The following TRIM58 variants were observed in gnomAD, a reference collection of about 807,000 sequenced individuals.
TRIM58 encodes the protein tripartite motif containing 58, also known as E3 ubiquitin-protein ligase TRIM58.
TRIM58 carries 38 observed loss-of-function variants against 34.1 expected under a neutral mutation model. The ratio of observed to expected loss-of-function variants is 1.12; its 90% CI spans 0.86 to 1.46. TRIM58 has a LOEUF of 1.46. TRIM58 is among the 40% of genes most tolerant of loss of function. The pLI, the probability that TRIM58 is intolerant of heterozygous loss-of-function variation, is 0.00. For missense variants in TRIM58, 677 were observed against 642.0 expected, an observed-to-expected ratio of 1.05 and a Z score of -0.59; for synonymous variants, 273 against 275.7, an observed-to-expected ratio of 0.99 and a Z score of 0.10.
In TRIM58 at chr1:247,879,599, A is replaced by G. The variant is rs1659364255; in HGVS notation, c.*3110A>G. The stretch of plus-strand genomic sequence containing the variant: ...GAGGATGTGAACCCCCAGGCCCTAG[A>G]GGATCTGAACCCCCATCCCTCCTCT... On this transcript the variant is annotated 3_prime_UTR_variant, in exon 6 of 6. Coordinates refer to ENST00000366481, the MANE Select transcript of TRIM58 (RefSeq NM_015431.4). Among the ~76,000 whole-genome samples the G allele has an allele frequency of 1.3e-5, 2 of 151,632 alleles. No individual in the cohort carries two copies. The highest frequency in any genetic ancestry group is 2.9e-5 in the Non-Finnish European group (2 of 67,942).
chr1:247,864,615 G>A (rs913211095), intron 2 of TRIM58, 90 bp from the exon 3 acceptor site: 40 of 1,370,456 alleles, frequency 2.9e-5, no homozygotes, highest in Non-Finnish European at 3.8e-5. Flanking sequence ...CGGAGCCCGG[G>A]GAAGTCTGGA....
chr1:247,860,335 C>T (rs1313554647), intron 1 of TRIM58, among the ~76,000 whole-genome samples: 3 of 151,992 alleles, frequency 2.0e-5, no homozygotes, highest in African/African-American at 7.3e-5. Context: ...ATGATGTGTG[C>T]CTGGAGTCCT....
chr1:247,874,509 A>G (rs186759359), intron 5 of TRIM58, among the ~76,000 whole-genome samples: 2 of 152,264 alleles, frequency 1.3e-5, no homozygotes, highest in Non-Finnish European at 1.5e-5. Flanking sequence ...TCCAAACCAT[A>G]TTATTTATTA....
intron 3 of TRIM58, 119 bp downstream of exon 3, chr1:247,865,054 A>G (rs185945158): frequency 3.2e-6 from 3 of 932,320 alleles, no homozygotes; most frequent in Non-Finnish European, 4.7e-6. Context: ...GGCACCCTCA[A>G]ATTTACTCAG....
At chr1:247,862,452 AAAGAAC>A (rs1663815682) in intron 2 of TRIM58, among the ~76,000 whole-genome samples, 2 of 152,198 alleles carry the variant, frequency 1.3e-5, no homozygotes, top group African/African-American at 4.8e-5. Flanking sequence ...ATGGAGATAA[AAAGAAC>A]AAGAACAAAG....
At position 247,878,903 on chromosome 1, in the gene TRIM58, T is replaced by C. The variant is rs1015610034; in HGVS notation, c.*2414T>C. ...TCTTGCATTCTTAGGTTCATAGTTT[T>C]GTGTGTCTCCTGTAATGACTCTTCT... On this transcript the variant is annotated 3_prime_UTR_variant, in exon 6 of 6. Transcript: ENST00000366481. Among the ~76,000 whole-genome samples the C allele has an allele frequency of 9.9e-5, 15 of 152,214 alleles. No individual in the cohort carries two copies. Among genetic ancestry groups the C allele is most frequent in the Non-Finnish European group, 1.8e-4 (12 of 68,042 alleles).
chr1:247,865,804 T>C (rs1041907273), intron 3 of TRIM58, among the ~76,000 whole-genome samples: 1 of 152,154 alleles, frequency 6.6e-6, no homozygotes, highest in African/African-American at 2.4e-5. Context: ...CCGACTCCTA[T>C]CTCCTCCCCA....
chr1:247,872,958 G>A (rs557024780), intron 5 of TRIM58, among the ~76,000 whole-genome samples: 22 of 152,294 alleles, frequency 1.4e-4, no homozygotes, highest in Middle Eastern at 3.4e-3. Flanking sequence ...GGCCGGGCGC[G>A]GTGGCTCACG....
chr1:247,874,244 A>T (rs773639325), intron 5 of TRIM58, among the ~76,000 whole-genome samples: 2 of 152,194 alleles, frequency 1.3e-5, no homozygotes, highest in African/African-American at 2.4e-5. Flanking sequence ...GCCTCAGGAC[A>T]CCTACAGTCA....
Position 247,857,353 on chromosome 1 carries a change from G to C in TRIM58, c.107G>C (p.Cys36Ser). 1.3e-6 allele frequency: 2 copies of C among 1,519,188 alleles called. No individual in the cohort carries two copies. Among genetic ancestry groups the C allele is most frequent in the Non-Finnish European group, 1.8e-6 (2 of 1,131,822 alleles). The allele number at this position is 1,519,188 out of a possible 1,614,324, so 94.1% of individuals were successfully genotyped here. Residue 36 changes from cysteine (C) to serine (S), a missense_variant, in exon 1 of 6, where the codon TGC (cysteine) becomes TCC (serine). Cys to Ser is a moderately radical substitution (Grantham distance 112). Transcript: ENST00000366481. ...AGCGTGGACTGCGGCCACAGCTTCT[G>C]CCTCAGGTGCATCTCCGAGTTCTGC... ...PVSVDCGHSF[C>S]LRCISEFCEK...
rs759552782 is a variant in TRIM58, at chr1:247,864,944, G to A, written c.747+9G>A. On this transcript the variant is annotated intron_variant, in intron 3 of 5. Transcript: ENST00000366481. Reference sequence around the variant, plus strand: ...CCCTGGGTCTGCTGGAGGTGAGGCCGGGTGCCAGAAAAGCAGGCAGATGTG... The same window carrying A: ...CCCTGGGTCTGCTGGAGGTGAGGCCAGGTGCCAGAAAAGCAGGCAGATGTG... 9.7e-6 allele frequency: 15 copies of A among 1,553,996 alleles called. No individual in the cohort carries two copies. The South Asian group carries it at 1.2e-4, about 12-fold the overall frequency.
chr1:247,872,875 A>C (rs1659176376), intron 5 of TRIM58, among the ~76,000 whole-genome samples: 1 of 152,144 alleles, frequency 6.6e-6, no homozygotes, highest in African/African-American at 2.4e-5. Flanking sequence ...TACCTTTGGA[A>C]AAGGGAGATT....
chr1:247,860,499 A>T, intron 1 of TRIM58, 118 bp from the exon 2 acceptor site: 1 of 649,094 alleles, frequency 1.5e-6, no homozygotes, highest in South Asian at 2.1e-5. Flanking sequence ...AATGATATTG[A>T]ACATTTTTAT....
At chr1:247,865,466 C>T (rs191020346) in intron 3 of TRIM58, among the ~76,000 whole-genome samples, 4 of 152,298 alleles carry the variant, frequency 2.6e-5, no homozygotes, top group African/African-American at 9.6e-5. Context: ...CTGCATAATA[C>T]ATTTCAGTGT....
At chr1:247,871,986 A>G (rs1026801781) in intron 5 of TRIM58, among the ~76,000 whole-genome samples, 1 of 152,232 alleles carries the variant, frequency 6.6e-6, no homozygotes, top group Admixed American at 6.5e-5. Context: ...TTCAGGCAGC[A>G]GAAATGAGCG....
intron 2 of TRIM58, among the ~76,000 whole-genome samples, chr1:247,863,550 A>T (rs1001049924): frequency 6.0e-5 from 9 of 148,890 alleles, no homozygotes; most frequent in Non-Finnish European, 9.0e-5. Flanking sequence ...AAAAAAGATT[A>T]AAAAAAAAAC....
chr1:247,875,116 A>G (rs1391141404), intron 5 of TRIM58, among the ~76,000 whole-genome samples: 1 of 152,138 alleles, frequency 6.6e-6, no homozygotes. Context: ...CTGATTTTAC[A>G]GGACTTGTGG....
rs770461236 is a variant in TRIM58 at position 247,876,131 on chromosome 1, C to T, written c.1103C>T (p.Pro368Leu). ...TTAGGGGTCTGTCAAGACACACTGC[C>T]AAGAAAGGGGGAAACCACGCCATCT... is the stretch of plus-strand genomic sequence containing the variant. ...WGLGVCQDTL[P>L]RKGETTPSPE... is the part of the protein sequence containing the mutation. Residue 368 changes from proline (P) to leucine (L), a missense_variant, in exon 6 of 6, where the codon CCA (proline) becomes CTA (leucine). Pro to Leu is a moderately conservative substitution (Grantham distance 98, BLOSUM62 -3). Transcript: ENST00000366481. 1.2e-6 allele frequency: 2 copies of T among 1,614,068 alleles called. No homozygotes were observed. Among genetic ancestry groups the T allele is most frequent in the Non-Finnish European group, 8.5e-7 (1 of 1,180,000 alleles).
At chr1:247,870,341 T>C (rs57372213) in intron 5 of TRIM58, among the ~76,000 whole-genome samples, 477 of 83,894 alleles carry the variant, frequency 5.7e-3, no homozygotes, top group Middle Eastern at 0.036. Flanking sequence ...TGCACCACCA[T>C]GCCCAGAAGA....
Sources: allele counts gnomAD v4.1 joint callset (sites outside exome capture counted in the v4.1 genomes callset), GRCh38; gene constraint gnomAD v4.1.1; transcripts MANE v1.5; gene names NCBI Gene and HGNC (gene_info 2026-07-23, HGNC 2026-07-21).